The following NKAIN3 variants were observed in gnomAD, a reference collection of about 807,000 sequenced individuals.
The protein encoded by NKAIN3 is sodium/potassium-transporting ATPase subunit beta-1-interacting protein 3.
A neutral mutation model predicts 30.2 loss-of-function variants in NKAIN3; 25 were observed. That is an observed-to-expected ratio of 0.83 (90% CI 0.60 to 1.16). The LOEUF is 1.16. Among genes scored for constraint, NKAIN3 ranks in the 50% most tolerant of loss-of-function variants. The pLI, the probability that NKAIN3 is intolerant of heterozygous loss-of-function variation, is 0.00. For missense variants in NKAIN3, 225 were observed against 254.1 expected (o/e 0.89, Z 0.78); for synonymous variants, 91 against 89.6 (o/e 1.02, Z -0.09).
chr8:62,487,088 G>A (rs1806925791), intron 1 of NKAIN3, among the ~76,000 whole-genome samples: 1 of 152,188 alleles, frequency 6.6e-6, no homozygotes, highest in South Asian at 2.1e-4. Flanking sequence ...AGAGCAGAGA[G>A]TTCACTATAA....
At chr8:62,372,284 G>A (rs1816936358) in intron 1 of NKAIN3, among the ~76,000 whole-genome samples, 1 of 151,832 alleles carries the variant, frequency 6.6e-6, no homozygotes, top group Non-Finnish European at 1.5e-5. Flanking sequence ...GGTAGATACT[G>A]AAGATTATTA....
intron 5 of NKAIN3, among the ~76,000 whole-genome samples, chr8:62,920,647 C>A (rs933470632): frequency 6.6e-6 from 1 of 152,108 alleles, no homozygotes; most frequent in Admixed American, 6.5e-5. Context: ...TATTTCAGTG[C>A]CCTTCAAACT....
intron 3 of NKAIN3, among the ~76,000 whole-genome samples, chr8:62,733,992 A>G (rs1413610333): frequency 6.6e-6 from 1 of 152,072 alleles, no homozygotes; most frequent in Non-Finnish European, 1.5e-5. Flanking sequence ...TTTTATGAAC[A>G]TTTTAAGGGC....
intron 1 of NKAIN3, among the ~76,000 whole-genome samples, chr8:62,529,539 G>T (rs1490329831): frequency 6.6e-6 from 1 of 152,028 alleles, no homozygotes; most frequent in Non-Finnish European, 1.5e-5. Context: ...TATCCAGAGA[G>T]CTAGGGTGCC....
chr8:62,809,008 C>G (rs1032424698), intron 4 of NKAIN3, among the ~76,000 whole-genome samples: 2 of 152,074 alleles, frequency 1.3e-5, no homozygotes, highest in African/African-American at 4.8e-5. Flanking sequence ...GAGACCTACC[C>G]CTGGGAATGC....
intron 1 of NKAIN3, among the ~76,000 whole-genome samples, chr8:62,381,492 A>T (rs551526564): frequency 6.6e-5 from 10 of 152,024 alleles, no homozygotes; most frequent in Admixed American, 3.9e-4. Flanking sequence ...GGTACTTCTG[A>T]TATACATATA....
At chr8:62,443,401 T>G (rs1453113637) in intron 1 of NKAIN3, among the ~76,000 whole-genome samples, 1 of 152,116 alleles carries the variant, frequency 6.6e-6, no homozygotes, top group Non-Finnish European at 1.5e-5. Context: ...TTTTATTTTT[T>G]GAGACAAAGT....
At chr8:62,578,277 A>G (rs774170704) in intron 1 of NKAIN3, among the ~76,000 whole-genome samples, 1 of 152,168 alleles carries the variant, frequency 6.6e-6, no homozygotes, top group Non-Finnish European at 1.5e-5. Context: ...CTGTTTCATC[A>G]TAAATTGTTG....
chr8:62,878,649 C>T (rs7016805), intron 4 of NKAIN3, among the ~76,000 whole-genome samples: 99,634 of 143,400 alleles, frequency 0.69, 35,455 homozygotes, highest in African/African-American at 0.79. Context: ...TCTCCTAATG[C>T]TATCATTTTC....
At chr8:62,370,320 T>A (rs1014895512) in intron 1 of NKAIN3, among the ~76,000 whole-genome samples, 1 of 152,020 alleles carries the variant, frequency 6.6e-6, no homozygotes, top group Non-Finnish European at 1.5e-5. Context: ...TCAAGGATGC[T>A]TGGACAGTTT....
intron 5 of NKAIN3, among the ~76,000 whole-genome samples, chr8:62,943,262 C>T (rs963068421): frequency 6.6e-5 from 10 of 151,956 alleles, no homozygotes; most frequent in African/African-American, 2.4e-4. Flanking sequence ...AGAAGATACG[C>T]AAATTGTGAA....
chr8:62,619,259 T>C (rs958674985), intron 3 of NKAIN3, among the ~76,000 whole-genome samples: 2 of 152,184 alleles, frequency 1.3e-5, no homozygotes, highest in African/African-American at 4.8e-5. Flanking sequence ...CTCTTCTGTT[T>C]TGAAATTCAG....
intron 1 of NKAIN3, among the ~76,000 whole-genome samples, chr8:62,426,564 T>G (rs943177720): frequency 1.3e-5 from 2 of 152,108 alleles, no homozygotes; most frequent in Non-Finnish European, 2.9e-5. Context: ...TTCCTTGCAG[T>G]GCAGAATTTC....
Position 62,345,669 on chromosome 8 carries a change from C to A in NKAIN3, c.54+96542C>A, listed in dbSNP as rs553442211. On this transcript the variant is annotated intron_variant, in intron 1 of 6. Coordinates refer to ENST00000623646, the MANE Select transcript of NKAIN3 (RefSeq NM_001304533.3). ...TATACACATATATACATATGTATAC[C>A]TGGAATATATATACCAGACTATATA... Among the ~76,000 whole-genome samples, 593 of 143,682 alleles carry A rather than the reference C, an allele frequency of 4.1e-3. 9 individuals are homozygous for A. The highest frequency in any genetic ancestry group is 0.015 in the African/African-American group (571 of 38,152). The allele number at this position is 143,682 out of a possible 152,430, so 94.3% of individuals were successfully genotyped here.
chr8:62,446,443 C>T (rs1309918751), intron 1 of NKAIN3, among the ~76,000 whole-genome samples: 1 of 152,020 alleles, frequency 6.6e-6, no homozygotes, highest in Non-Finnish European at 1.5e-5. Context: ...TTAAAACACA[C>T]ATTTTTATTG....
At chr8:62,829,875 A>G (rs913392659) in intron 4 of NKAIN3, among the ~76,000 whole-genome samples, 1 of 152,178 alleles carries the variant, frequency 6.6e-6, no homozygotes, top group Non-Finnish European at 1.5e-5. Flanking sequence ...CTAGACTCCC[A>G]TAAGGTATTC....
At chr8:62,446,731 G>A (rs1005943948) in intron 1 of NKAIN3, among the ~76,000 whole-genome samples, 14 of 151,942 alleles carry the variant, frequency 9.2e-5, no homozygotes, top group African/African-American at 3.1e-4. Context: ...TTGTCCTCTT[G>A]TGCCTGGCAT....
intron 1 of NKAIN3, among the ~76,000 whole-genome samples, chr8:62,370,112 C>G (rs951077146): frequency 6.6e-6 from 1 of 151,746 alleles, no homozygotes; most frequent in African/African-American, 2.4e-5. Flanking sequence ...TAAAAGTTAC[C>G]AAATCAACAG....
intron 4 of NKAIN3, among the ~76,000 whole-genome samples, chr8:62,764,522 G>T (rs1816773667): frequency 1.3e-5 from 2 of 151,926 alleles, no homozygotes; most frequent in Admixed American, 6.6e-5. Flanking sequence ...CTGGAGTGCA[G>T]TGGCATGATT....
Sources: allele counts gnomAD v4.1 joint callset (sites outside exome capture counted in the v4.1 genomes callset), GRCh38; gene constraint gnomAD v4.1.1; transcripts MANE v1.5; gene names NCBI Gene and HGNC (gene_info 2026-07-23, HGNC 2026-07-21).